WDPCP: variants seen among roughly 807,000 people sequenced by gnomAD.
WDPCP encodes WD repeat containing planar cell polarity effector, also known as WD repeat-containing and planar cell polarity effector protein fritz homolog.
A neutral mutation model predicts 93.1 loss-of-function variants in WDPCP; 71 were observed. The ratio of observed to expected loss-of-function variants is 0.76; its 90% CI spans 0.63 to 0.93. The LOEUF is 0.93. Ranked by LOEUF, WDPCP falls within the 40% of genes least tolerant of loss-of-function variation. The pLI, the probability that WDPCP is intolerant of heterozygous loss-of-function variation, is 0.00. For missense variants in WDPCP, 844 were observed against 887.4 expected, an observed-to-expected ratio of 0.95 and a Z score of 0.62; for synonymous variants, 315 against 315.0, an observed-to-expected ratio of 1.00 and a Z score of 0.00.
rs953764802 is a variant in WDPCP, at chr2:63,709,057, C to CAAAAA, written n.309-58224_309-58220dup. Among the ~76,000 whole-genome samples the CAAAAA allele has an allele frequency of 1.5e-3, 18 of 12,098 alleles. 3 individuals are homozygous for CAAAAA. The highest frequency in any genetic ancestry group is 3.5e-3 in the East Asian group (2 of 570). The allele number at this position is 12,098 out of a possible 152,430, so 7.9% of individuals were successfully genotyped here. A position where few individuals can be genotyped will look rare whatever the true frequency, so the allele number is the denominator to read the frequency against. On this transcript the variant is annotated intron_variant and non_coding_transcript_variant, in intron 2 of 4. Coordinates refer to the WDPCP transcript ENST00000467687. The stretch of plus-strand genomic sequence containing the variant: ...CCAACATGGTGAAACCCTGTCTCTA[C>CAAAAA]AAAAAAAAAAAAAAAAAAAAAAAAA...
intron 6 of WDPCP, among the ~76,000 whole-genome samples, chr2:63,460,157 A>C (rs1421007407): frequency 4.6e-5 from 7 of 152,204 alleles, no homozygotes; most frequent in African/African-American, 1.7e-4. Context: ...CAGCCATAAA[A>C]AATAATGAAA....
chr2:63,309,483 C>T (rs1686014117), intron 13 of WDPCP, among the ~76,000 whole-genome samples: 1 of 152,098 alleles, frequency 6.6e-6, no homozygotes, highest in Admixed American at 6.6e-5. Context: ...TAGTGAGACC[C>T]TGTCTCTTAA....
At chr2:63,427,035 G>C (rs1038996252) in intron 9 of WDPCP, among the ~76,000 whole-genome samples, 2 of 152,188 alleles carry the variant, frequency 1.3e-5, no homozygotes, top group African/African-American at 4.8e-5. Flanking sequence ...TCAACAAGAT[G>C]ATCTAACTAT....
chr2:63,397,999 T>C (rs537885866), intron 10 of WDPCP, among the ~76,000 whole-genome samples: 2 of 151,928 alleles, frequency 1.3e-5, no homozygotes, highest in African/African-American at 2.4e-5. Flanking sequence ...CCGGGGAGGG[T>C]GACAAAGTAA....
intron 2 of WDPCP, among the ~76,000 whole-genome samples, chr2:63,731,226 G>A (rs1346795023): frequency 2.1e-5 from 3 of 143,692 alleles, no homozygotes; most frequent in South Asian, 2.2e-4. Context: ...CTGAGATTGC[G>A]ACACTGCACC....
intron 10 of WDPCP, among the ~76,000 whole-genome samples, chr2:63,395,052 T>C (rs950934976): frequency 1.3e-5 from 2 of 152,010 alleles, no homozygotes; most frequent in African/African-American, 4.8e-5. Context: ...AAAAAAATTG[T>C]GGTGTATTGA....
chr2:63,442,554 AT>A (rs1697570000), intron 6 of WDPCP: 1 of 152,096 alleles, frequency 6.6e-6, no homozygotes, highest in South Asian at 2.1e-4. Flanking sequence ...CTCTGAGCAC[AT>A]TTGTCTTTTT....
intron 2 of WDPCP, among the ~76,000 whole-genome samples, chr2:63,812,843 A>G (rs1670881472): frequency 6.6e-6 from 1 of 151,952 alleles, no homozygotes; most frequent in Admixed American, 6.6e-5. Flanking sequence ...TCCCCCATCT[A>G]ACTTCTGGGT....
rs923804593 is a variant in WDPCP at position 63,676,427 on chromosome 2, T to G, written n.309-25589A>C. Among the ~76,000 whole-genome samples, 9 of 152,174 alleles carry G rather than the reference T, an allele frequency of 5.9e-5. No individual in the cohort carries two copies. The East Asian group carries it at 1.7e-3, about 29-fold the overall frequency. ...AAAGGCTATGATCTAAGAGTAACAG[T>G]GAACCAGAAACAGACCAGCCCTTAT... On this transcript the variant is annotated intron_variant and non_coding_transcript_variant, in intron 2 of 4. Transcript: ENST00000467687.
intron 3 of WDPCP, chr2:63,599,064 T>C: frequency 9.5e-7 from 1 of 1,049,974 alleles, no homozygotes; most frequent in Non-Finnish European, 1.3e-6. Context: ...TTCCCAAGCC[T>C]CCCCTGTACA....
chr2:63,249,912 T>C (rs1436673284), intron 14 of WDPCP, among the ~76,000 whole-genome samples: 1 of 152,250 alleles, frequency 6.6e-6, no homozygotes, highest in African/African-American at 2.4e-5. Flanking sequence ...ACTGTGGCTG[T>C]AACTTTTGCA....
chr2:63,447,876 T>C (rs1184568484), intron 6 of WDPCP, among the ~76,000 whole-genome samples: 1 of 152,102 alleles, frequency 6.6e-6, no homozygotes, highest in Non-Finnish European at 1.5e-5. Context: ...AAAAAAGATA[T>C]AAGCCAAATT....
intron 12 of WDPCP, among the ~76,000 whole-genome samples, chr2:63,354,541 C>G (rs780894899): frequency 2.0e-5 from 3 of 152,138 alleles, no homozygotes; most frequent in Non-Finnish European, 4.4e-5. Flanking sequence ...AATCATTAAG[C>G]AAGAGTCTAC....
intron 2 of WDPCP, among the ~76,000 whole-genome samples, chr2:63,673,577 G>T (rs1006646892): frequency 9.2e-5 from 14 of 152,004 alleles, no homozygotes; most frequent in African/African-American, 3.4e-4. Context: ...GGAGGCTATT[G>T]GTCAGCTACA....
chr2:63,752,396 C>T, intron 2 of WDPCP: 1 of 763,916 alleles, frequency 1.3e-6, no homozygotes, highest in Admixed American at 1.7e-5. Flanking sequence ...CACAGCTTTC[C>T]CATCCACCTT....
chr2:63,463,283 A>C (rs1425800611), intron 6 of WDPCP, among the ~76,000 whole-genome samples: 1 of 152,112 alleles, frequency 6.6e-6, no homozygotes, highest in East Asian at 1.9e-4. Flanking sequence ...TTAGTGGAAG[A>C]TTTGGCTGTG....
chr2:63,142,802 A>C (rs1253586516), intron 17 of WDPCP, among the ~76,000 whole-genome samples: 1 of 149,416 alleles, frequency 6.7e-6, no homozygotes, highest in African/African-American at 2.5e-5. Flanking sequence ...TAAATTTGGG[A>C]GCTGCAGTGT....
intron 13 of WDPCP, among the ~76,000 whole-genome samples, chr2:63,300,230 G>C (rs1166898716): frequency 6.6e-6 from 1 of 152,016 alleles, no homozygotes; most frequent in Non-Finnish European, 1.5e-5. Flanking sequence ...CTCCTCATGT[G>C]TGTCTGTGCC....
intron 2 of WDPCP, among the ~76,000 whole-genome samples, chr2:63,789,569 C>T (rs1445005223): frequency 6.6e-6 from 1 of 152,140 alleles, no homozygotes; most frequent in African/African-American, 2.4e-5. Context: ...CACCTGCCAG[C>T]AGAGATCCTA....
Sources: gnomAD v4.1 joint callset for allele counts (sites outside exome capture counted in the v4.1 genomes callset) on GRCh38, gnomAD v4.1.1 for gene constraint, MANE v1.5 for transcripts, NCBI Gene and HGNC (gene_info 2026-07-23, HGNC 2026-07-21) for gene names.